RNF138: variants seen among roughly 807,000 people sequenced by gnomAD.
The protein encoded by RNF138 is ring finger protein 138.
In RNF138, 12 loss-of-function variants were observed where a neutral mutation model predicts 31.0. The ratio of observed to expected loss-of-function variants is 0.39; its 90% CI spans 0.25 to 0.63. The LOEUF is 0.63. Ranked by LOEUF, RNF138 falls within the 20% of genes least tolerant of loss-of-function variation. The probability of loss-of-function intolerance (pLI) is 0.52; values close to 1 mark genes in which losing one functional copy is unlikely to be tolerated. For missense variants in RNF138, 192 were observed against 300.1 expected (o/e 0.64, Z 2.66); for synonymous variants, 105 against 99.5 (o/e 1.06, Z -0.33).
intron 2 of RNF138, among the ~76,000 whole-genome samples, chr18:32,106,901 T>G (rs1210301314): frequency 1.3e-5 from 2 of 152,008 alleles, no homozygotes; most frequent in East Asian, 3.9e-4. Flanking sequence ...CAGTAATCTC[T>G]CTGGTTGTGA....
At position 32,092,173 on chromosome 18, in the gene RNF138, G is replaced by C. The variant is rs1023124063; in HGVS notation, c.-140G>C. ...GGAAGCTCGAGGAAAGCGCTGGGCC[G>C]GGTCTCTACGAACACGTGAAGGAAA... On this transcript the variant is annotated 5_prime_UTR_variant, in exon 1 of 8. Transcript: ENST00000261593. 1 of 152,572 alleles carries C rather than the reference G, an allele frequency of 6.6e-6. No homozygotes were observed. Among genetic ancestry groups the C allele is most frequent in the African/African-American group, 2.4e-5 (1 of 41,452 alleles). The allele number at this position is 152,572 out of a possible 1,614,324, so 9.5% of individuals were successfully genotyped here.
At chr18:32,127,907 C>T (rs1019741658) in intron 7 of RNF138, among the ~76,000 whole-genome samples, 2 of 152,030 alleles carry the variant, frequency 1.3e-5, no homozygotes, top group Admixed American at 6.6e-5. Context: ...GGTGAAACCC[C>T]GTCTTTACTA....
intron 2 of RNF138, 103 bp downstream of exon 2, chr18:32,092,989 C>A: frequency 1.8e-6 from 1 of 571,020 alleles, no homozygotes; most frequent in Non-Finnish European, 2.9e-6. Flanking sequence ...GAGCCCGCCG[C>A]GGCCTGCCCG....
intron 4 of RNF138, among the ~76,000 whole-genome samples, chr18:32,121,466 G>C (rs954550446): frequency 2.0e-5 from 3 of 152,234 alleles, no homozygotes; most frequent in Non-Finnish European, 2.9e-5. Context: ...CTGCATTCCA[G>C]CCGGGGCAAT....
intron 2 of RNF138, among the ~76,000 whole-genome samples, chr18:32,105,026 G>A (rs1469219344): frequency 6.6e-6 from 1 of 152,136 alleles, no homozygotes; most frequent in East Asian, 1.9e-4. Flanking sequence ...TGGCTTCTTT[G>A]ATTTTCCTGT....
intron 2 of RNF138, among the ~76,000 whole-genome samples, chr18:32,110,549 G>C (rs1361095626): frequency 6.7e-6 from 1 of 149,908 alleles, no homozygotes; most frequent in Non-Finnish European, 1.5e-5. Flanking sequence ...CAGGTTATGT[G>C]ATCTGTTACT....
intron 2 of RNF138, among the ~76,000 whole-genome samples, chr18:32,096,907 T>A (rs9967524): frequency 0.56 from 84,950 of 151,328 alleles, 24,358 homozygotes; most frequent in East Asian, 0.66. Context: ...TTAAAAAAAA[T>A]TTTTTTGTAG....
intron 2 of RNF138, among the ~76,000 whole-genome samples, chr18:32,108,542 T>A: frequency 6.6e-6 from 1 of 152,244 alleles, no homozygotes; most frequent in East Asian, 1.9e-4. Context: ...ATTTTGTGAA[T>A]ATACCATAAT....
At chr18:32,102,991 T>C (rs2039969338) in intron 2 of RNF138, among the ~76,000 whole-genome samples, 1 of 152,198 alleles carries the variant, frequency 6.6e-6, no homozygotes, top group Non-Finnish European at 1.5e-5. Flanking sequence ...CTTTTCTATA[T>C]TTTTATGCCT....
At chr18:32,099,998 T>G (rs2039894963) in intron 2 of RNF138, among the ~76,000 whole-genome samples, 1 of 152,222 alleles carries the variant, frequency 6.6e-6, no homozygotes, top group African/African-American at 2.4e-5. Flanking sequence ...TGGAAAGTGC[T>G]CAAGGTTTTG....
chr18:32,100,516 G>C (rs150989216), intron 2 of RNF138, among the ~76,000 whole-genome samples: 3,935 of 129,278 alleles, frequency 0.03, 199 homozygotes, highest in African/African-American at 0.11. Flanking sequence ...GCTCTTGTTG[G>C]CCAGGCTGGA....
At chr18:32,123,625 A>G in intron 5 of RNF138, 51 bp downstream of exon 5, 1 of 1,173,546 alleles carries the variant, frequency 8.5e-7, no homozygotes, top group Non-Finnish European at 1.2e-6. Context: ...TATATTTATC[A>G]CTTATCAAAT....
intron 2 of RNF138, among the ~76,000 whole-genome samples, chr18:32,103,960 G>T (rs974264898): frequency 6.7e-6 from 1 of 149,502 alleles, no homozygotes; most frequent in African/African-American, 2.5e-5. Flanking sequence ...GCAAGACTCC[G>T]TCTCAGAAAA....
chr18:32,118,936 A>G (rs1199756430), intron 4 of RNF138, among the ~76,000 whole-genome samples: 1 of 152,212 alleles, frequency 6.6e-6, no homozygotes, highest in Non-Finnish European at 1.5e-5. Context: ...TGACATAGAA[A>G]AGTATTTACA....
At chr18:32,107,928 CACT>C (rs2040063424) in intron 2 of RNF138, among the ~76,000 whole-genome samples, 1 of 152,036 alleles carries the variant, frequency 6.6e-6, no homozygotes, top group African/African-American at 2.4e-5. Context: ...GATCTCGGCT[CACT>C]GCAAGCTCCA....
At chr18:32,123,731 C>A (rs1414847408) in intron 5 of RNF138, among the ~76,000 whole-genome samples, 157 bp downstream of exon 5, 2 of 150,922 alleles carry the variant, frequency 1.3e-5, no homozygotes, top group Non-Finnish European at 2.9e-5. Flanking sequence ...TGGCTCACTG[C>A]AACCTGCGCC....
chr18:32,118,346 C>T (rs2040249374), intron 4 of RNF138, among the ~76,000 whole-genome samples: 1 of 151,610 alleles, frequency 6.6e-6, no homozygotes, highest in Non-Finnish European at 1.5e-5. Flanking sequence ...CCAGCCTGGC[C>T]AACATGGTGA....
intron 2 of RNF138, 99 bp downstream of exon 2, chr18:32,092,985 G>T (rs971389931): frequency 8.7e-6 from 5 of 575,800 alleles, no homozygotes; most frequent in African/African-American, 6.0e-5. Flanking sequence ...AACCGAGCCC[G>T]CCGCGGCCTG....
At chr18:32,103,399 C>T (rs1163816595) in intron 2 of RNF138, among the ~76,000 whole-genome samples, 1 of 151,796 alleles carries the variant, frequency 6.6e-6, no homozygotes, top group East Asian at 1.9e-4. Context: ...CACTATGTTG[C>T]CCAGGCTGGT....
Sources: allele counts gnomAD v4.1 joint callset (sites outside exome capture counted in the v4.1 genomes callset), GRCh38; gene constraint gnomAD v4.1.1; transcripts MANE v1.5; gene names NCBI Gene and HGNC (gene_info 2026-07-23, HGNC 2026-07-21).